The following KIF26B variants were observed in gnomAD, a reference collection of about 807,000 sequenced individuals.
The protein encoded by KIF26B is kinesin family member 26B.
KIF26B carries 63 observed loss-of-function variants against 151.2 expected under a neutral mutation model. That is an observed-to-expected ratio of 0.42 (90% CI 0.34 to 0.51). The LOEUF (loss-of-function observed/expected upper bound fraction) is 0.51, where lower values mean the gene tolerates loss of function less well. KIF26B is among the 20% of genes least tolerant of loss of function. The pLI, the probability that KIF26B is intolerant of heterozygous loss-of-function variation, is 0.07. For synonymous variants in KIF26B, 1,357 were observed against 1,262.1 expected (o/e 1.08, Z -1.59); for missense variants, 2,813 against 2,913.6 (o/e 0.97, Z 0.79).
intron 10 of KIF26B, among the ~76,000 whole-genome samples, chr1:245,660,684 G>A (rs1287180681): frequency 6.6e-6 from 1 of 152,106 alleles, no homozygotes; most frequent in Admixed American, 6.6e-5. Context: ...TGGCTACTTA[G>A]CTTGGCAGTT....
intron 2 of KIF26B, among the ~76,000 whole-genome samples, chr1:245,316,568 AT>A (rs201504941): frequency 6.6e-6 from 1 of 151,074 alleles, no homozygotes; most frequent in Non-Finnish European, 1.5e-5. Flanking sequence ...GGCCTCTTTT[AT>A]TTTTTTTCTG....
chr1:245,355,624 A>G (rs1672678934), intron 2 of KIF26B, among the ~76,000 whole-genome samples: 1 of 151,432 alleles, frequency 6.6e-6, no homozygotes, highest in Non-Finnish European at 1.5e-5. Context: ...AAGAAGAAGA[A>G]GAAAGAATTT....
In KIF26B at chr1:245,495,083, G is replaced by C. The variant is rs1386647250; in HGVS notation, c.1167-45684G>C. ...AAAAGAAAAGAAAGAGGAAATTCTG[G>C]AACTTAAAAAATGAAATAATGGATA... is the stretch of plus-strand genomic sequence containing the variant. On this transcript the variant is annotated intron_variant, in intron 4 of 14. Transcript: ENST00000407071. The surrounding 1 kb of genome is among the most constrained non-coding windows in gnomAD (Gnocchi z 4.2). Among the ~76,000 whole-genome samples the C allele has an allele frequency of 1.3e-5, 2 of 152,008 alleles. No homozygotes were observed. The highest frequency in any genetic ancestry group is 4.8e-5 in the African/African-American group (2 of 41,410).
chr1:245,658,597 G>C (rs951306862), intron 10 of KIF26B, among the ~76,000 whole-genome samples: 2 of 152,060 alleles, frequency 1.3e-5, no homozygotes, highest in African/African-American at 4.8e-5. Flanking sequence ...TTACCATGTT[G>C]CCCAGGCTGG....
chr1:245,583,408 G>A (rs1001623312), intron 5 of KIF26B, among the ~76,000 whole-genome samples: 33 of 151,406 alleles, frequency 2.2e-4, no homozygotes, highest in Non-Finnish European at 4.3e-4. Flanking sequence ...AACCATCTCC[G>A]GGGCCAAGCC....
intron 5 of KIF26B, among the ~76,000 whole-genome samples, chr1:245,554,893 G>T (rs1166286521): frequency 6.6e-6 from 1 of 152,146 alleles, no homozygotes; most frequent in Non-Finnish European, 1.5e-5. Context: ...AAGACCTCAC[G>T]CATCCTTTGC....
intron 2 of KIF26B, among the ~76,000 whole-genome samples, chr1:245,292,129 A>G (rs1671262513): frequency 1.3e-5 from 2 of 152,206 alleles, no homozygotes; most frequent in Non-Finnish European, 2.9e-5. Flanking sequence ...CCACCATCAA[A>G]ACACTCTACC....
intron 3 of KIF26B, among the ~76,000 whole-genome samples, chr1:245,390,940 A>AAAAAAAC (rs1673677304): frequency 1.4e-5 from 2 of 146,836 alleles, no homozygotes; most frequent in African/African-American, 2.5e-5. Flanking sequence ...AAAAAAAAAA[A>AAAAAAAC]AAAAAAAAAA....
rs2043945628 is a variant in KIF26B, at chr1:245,646,296, A to G, written c.2258+16A>G. On this transcript the variant is annotated intron_variant, in intron 10 of 14. Transcript: ENST00000407071. ...TTCCATACAAGTAAGTGACTCTTCTACTCAAAGAATGTGGTGGGGTAAGCA... is the reference window on the plus strand; with the variant it reads ...TTCCATACAAGTAAGTGACTCTTCTGCTCAAAGAATGTGGTGGGGTAAGCA... 2 of 1,612,208 alleles carry G rather than the reference A, an allele frequency of 1.2e-6. No individual in the cohort carries two copies. Among genetic ancestry groups the G allele is most frequent in the Middle Eastern group, 1.7e-4 (1 of 6,018 alleles).
intron 2 of KIF26B, among the ~76,000 whole-genome samples, chr1:245,286,391 A>C (rs1671164484): frequency 6.6e-6 from 1 of 151,952 alleles, no homozygotes; most frequent in Admixed American, 6.6e-5. Context: ...AAAATACAAA[A>C]ATTAGCCAGG....
intron 11 of KIF26B, among the ~76,000 whole-genome samples, chr1:245,685,199 C>T (rs752615467): frequency 1.3e-5 from 2 of 152,266 alleles, no homozygotes; most frequent in South Asian, 2.1e-4. Context: ...GCGTGCCACA[C>T]GGGGCTTCCC....
At chr1:245,666,886 C>T (rs556306330) in intron 10 of KIF26B, among the ~76,000 whole-genome samples, 5 of 152,096 alleles carry the variant, frequency 3.3e-5, no homozygotes, top group East Asian at 1.9e-4. Flanking sequence ...CAGCTAACAG[C>T]GGGGTCTGAG....
chr1:245,403,420 A>C (rs1674054428), intron 3 of KIF26B, among the ~76,000 whole-genome samples: 1 of 152,202 alleles, frequency 6.6e-6, no homozygotes, highest in South Asian at 2.1e-4. Flanking sequence ...CTGATCCTCA[A>C]ATGTGCCTTT....
At chr1:245,643,723 C>CA (rs1320795296) in intron 9 of KIF26B, among the ~76,000 whole-genome samples, 1 of 151,998 alleles carries the variant, frequency 6.6e-6, no homozygotes, top group Non-Finnish European at 1.5e-5. Flanking sequence ...ATTTTTAAGT[C>CA]AAAAAATATC....
intron 7 of KIF26B, among the ~76,000 whole-genome samples, chr1:245,608,174 C>T (rs992416143): frequency 1.3e-5 from 2 of 152,152 alleles, no homozygotes; most frequent in Admixed American, 6.5e-5. Context: ...GCCCAGGGCG[C>T]GTCTGGAGAA....
intron 2 of KIF26B, among the ~76,000 whole-genome samples, chr1:245,283,797 C>T (rs955395894): frequency 4.0e-5 from 6 of 151,296 alleles, no homozygotes; most frequent in African/African-American, 1.5e-4. Context: ...AAGCGATTCT[C>T]CTGCCTCAGC....
chr1:245,445,291 C>T (rs1470159552), intron 4 of KIF26B, among the ~76,000 whole-genome samples: 2 of 152,146 alleles, frequency 1.3e-5, no homozygotes, highest in Admixed American at 6.5e-5. Flanking sequence ...CTTGGCAGCA[C>T]CATCAAAGGG....
chr1:245,329,745 G>A (rs935288526), intron 2 of KIF26B, among the ~76,000 whole-genome samples: 7 of 152,116 alleles, frequency 4.6e-5, no homozygotes, highest in East Asian at 3.8e-4. Context: ...TAACGAAATC[G>A]TTGTTAAATA....
chr1:245,640,160 T>TATATACAC lies in KIF26B; in HGVS notation c.2099-5960_2099-5959insTATACACA, dbSNP rs796722836. Among the ~76,000 whole-genome samples, 21 of 54,846 alleles carry TATATACAC rather than the reference T, an allele frequency of 3.8e-4. 1 individual carries two copies. The highest frequency in any genetic ancestry group is 1.0e-3 in the East Asian group (1 of 998). The allele number at this position is 54,846 out of a possible 152,430, so 36.0% of individuals were successfully genotyped here. ...CTCTCTCTCTATATATATATATATA[T>TATATACAC]ACCCTGCTATTTGGTTATATATATT... On this transcript the variant is annotated intron_variant, in intron 9 of 14. Transcript: ENST00000407071.
Sources: allele counts gnomAD v4.1 joint callset (sites outside exome capture counted in the v4.1 genomes callset), GRCh38; gene constraint gnomAD v4.1.1; non-coding constraint Gnocchi (gnomAD v3.1); transcripts MANE v1.5; gene names NCBI Gene and HGNC (gene_info 2026-07-23, HGNC 2026-07-21).